Variants in COG8 observed in about 807,000 individuals in gnomAD.
The protein encoded by COG8 is component of oligomeric golgi complex 8.
COG8 carries 45 observed loss-of-function variants against 46.5 expected under a neutral mutation model. The ratio of observed to expected loss-of-function variants is 0.97; its 90% CI spans 0.76 to 1.24. COG8 has a LOEUF of 1.24. Ranked by LOEUF, COG8 falls within the 50% of genes most tolerant of loss-of-function variation. The pLI is 0.00. For missense variants in COG8, 793 were observed against 820.8 expected (o/e 0.97, Z 0.41); for synonymous variants, 407 against 347.8 (o/e 1.17, Z -1.90).
rs1428159234 is a variant in COG8, at chr16:69,332,749, A to G, written c.1547T>C (p.Val516Ala). The G allele has an allele frequency of 6.2e-7, 1 of 1,614,092 alleles. No individual in the cohort carries two copies. The highest frequency in any genetic ancestry group is 1.3e-5 in the African/African-American group (1 of 74,946). The change falls in exon 4 of 6, where the codon GTC (valine) becomes GCC (alanine). Residue 516 changes from valine (V) to alanine (A), a missense_variant. By Grantham distance (64) the Val-to-Ala change is moderately conservative. Coordinates refer to ENST00000306875, the MANE Select transcript of COG8 (RefSeq NM_032382.5). The part of the protein sequence containing the change: ...LVPYLNRCLQ[V>A]LFPPAQIAQT... ...TGCTATCTGAGCTGGTGGAAAAAGG[A>G]CTTGGAGACAGCGATTTAAATACGG... is the stretch of plus-strand genomic sequence containing the variant.
At chr16:69,331,477 AG>A (rs2011835778) in intron 4 of COG8, among the ~76,000 whole-genome samples, 1 of 143,234 alleles carries the variant, frequency 7.0e-6, no homozygotes, top group African/African-American at 2.6e-5. Flanking sequence ...AAAAAAAAAA[AG>A]GAAATTTAAG....
At chr16:69,330,673 C>G (rs1400009780) in intron 5 of COG8, 140 bp downstream of exon 5, 22 of 1,395,250 alleles carry the variant, frequency 1.6e-5, no homozygotes, top group Non-Finnish European at 2.0e-5. Context: ...CGACTGGATC[C>G]CCGCCTTCCT....
chr16:69,329,283 G>A (rs1310611238), intron 5 of COG8, 104 bp from the exon 6 acceptor site: 8 of 1,254,178 alleles, frequency 6.4e-6, no homozygotes, highest in African/African-American at 3.1e-5. Flanking sequence ...TTGACAAGAG[G>A]CAACAGCAGA....
intron 4 of COG8, among the ~76,000 whole-genome samples, chr16:69,332,348 C>CA (rs528941857): frequency 0.024 from 3,164 of 130,620 alleles, 37 homozygotes; most frequent in Non-Finnish European, 0.027. Context: ...GACTCCGCCT[C>CA]AAAAAAAAAA....
In COG8 at chr16:69,339,534, T is replaced by C. The variant is rs200765847; in HGVS notation, c.19A>G (p.Ile7Val). 4.5e-5 allele frequency: 72 copies of C among 1,608,698 alleles called. 1 individual carries two copies. In the Admixed American group the frequency reaches 1.0e-3, roughly 23 times the overall value. The change falls in exon 1 of 6, where the codon ATC becomes GTC. Residue 7 changes from isoleucine to valine, a missense_variant. By Grantham distance (29) the Ile-to-Val change is conservative. Coordinates refer to ENST00000306875, the MANE Select transcript of COG8 (RefSeq NM_032382.5). MATAAT[I>V]PSVATATAAA... ...GCTGTGGCCGTGGCTACCGATGGGA[T>C]AGTCGCCGCGGTCGCCATCTTCCCA...
In COG8 at chr16:69,339,414, C is replaced by T. The variant is rs1321204085; in HGVS notation, c.139G>A (p.Gly47Ser). Reference sequence around the variant, plus strand: ...CCGCTCAACTCCCGGAGGTAGCGGCCCACATCGGGCCGCTCGCGCCACTGG... The same window carrying T: ...CCGCTCAACTCCCGGAGGTAGCGGCTCACATCGGGCCGCTCGCGCCACTGG... Reference protein sequence around the residue: ...EAQWRERPDVGRYLRELSGSG... With the variant: ...EAQWRERPDVSRYLRELSGSG... Residue 47 changes from glycine to serine, a missense_variant, in exon 1 of 6, where the codon GGC becomes AGC. Transcript: ENST00000306875. 2 of 1,582,348 alleles carry T rather than the reference C, an allele frequency of 1.3e-6. No homozygotes were observed. The highest frequency in any genetic ancestry group is 3.5e-5 in the Admixed American group (2 of 56,450).
intron 1 of COG8, among the ~76,000 whole-genome samples, chr16:69,337,707 T>C (rs1194000252): frequency 1.3e-5 from 2 of 151,244 alleles, no homozygotes; most frequent in Non-Finnish European, 2.9e-5. Context: ...CTAGGGATAA[T>C]GGAGACAGAA....
At position 69,326,769 on chromosome 16, in the gene COG8, G is replaced by GGGATTCTGTTATAAATCTTCTGCCTAC. The variant is rs1201889124; in HGVS notation, c.*2436_*2437insGTAGGCAGAAGATTTATAACAGAATCC. On this transcript the variant is annotated 3_prime_UTR_variant, in exon 6 of 6. Coordinates refer to ENST00000306875, the MANE Select transcript of COG8 (RefSeq NM_032382.5). The stretch of plus-strand genomic sequence containing the variant: ...GCTCTGAAATTCACTTCTCTGCCTG[G>GGGATTCTGTTATAAATCTTCTGCCTAC]GGATTCTGTTATAAACCTTCTGCCT... 1 of 152,176 alleles carries GGGATTCTGTTATAAATCTTCTGCCTAC rather than the reference G, an allele frequency of 6.6e-6. No homozygotes were observed. Among genetic ancestry groups the GGGATTCTGTTATAAATCTTCTGCCTAC allele is most frequent in the Non-Finnish European group, 1.5e-5 (1 of 68,030 alleles). 9.4% of individuals were successfully genotyped at this position (152,176 alleles called of 1,614,324 possible).
chr16:69,333,257 C>T (rs753422847), intron 3 of COG8, among the ~76,000 whole-genome samples: 4 of 151,256 alleles, frequency 2.6e-5, no homozygotes, highest in Non-Finnish European at 5.9e-5. Flanking sequence ...GCTTCAAACT[C>T]CTGGGCTCAA....
At chr16:69,330,144 G>A (rs774492744) in intron 5 of COG8, 1 of 1,557,070 alleles carries the variant, frequency 6.4e-7, no homozygotes, top group South Asian at 1.2e-5. Flanking sequence ...TCCATTTGGC[G>A]GAGCGCGCGC....
chr16:69,330,204 G>A (rs1419532128), intron 5 of COG8: 1 of 1,455,852 alleles, frequency 6.9e-7, no homozygotes, highest in East Asian at 2.9e-5. Flanking sequence ...TCCAGCGCCA[G>A]CACCTGCCGC....
rs1681447772 is a variant in COG8 at position 69,326,473 on chromosome 16, G to C, written c.*2733C>G. 1 of 152,218 alleles carries C rather than the reference G, an allele frequency of 6.6e-6. No individual in the cohort carries two copies. The highest frequency in any genetic ancestry group is 2.1e-4 in the South Asian group (1 of 4,832). The allele number at this position is 152,218 out of a possible 1,614,324, so 9.4% of individuals were successfully genotyped here. On this transcript the variant is annotated 3_prime_UTR_variant, in exon 6 of 6. Coordinates refer to ENST00000306875, the MANE Select transcript of COG8 (RefSeq NM_032382.5). ...TTTTTACTTCTAGTTACATTTACTT[G>C]AATCAGAACGTTGTTTCCTCATTCC... is the stretch of plus-strand genomic sequence containing the variant.
chr16:69,337,965 C>G (rs529298044), intron 1 of COG8, among the ~76,000 whole-genome samples: 16 of 152,172 alleles, frequency 1.1e-4, no homozygotes, highest in African/African-American at 3.6e-4. Flanking sequence ...ATCTCTTGAC[C>G]TCGTGATCCG....
chr16:69,333,992 G>A (rs2012045489), intron 3 of COG8, among the ~76,000 whole-genome samples: 1 of 152,198 alleles, frequency 6.6e-6, no homozygotes, highest in Admixed American at 6.5e-5. Flanking sequence ...CTGGCCTTGA[G>A]GAAGCAAACA....
chr16:69,329,205 G>A (rs1055109581), intron 5 of COG8, 26 bp from the exon 6 acceptor site: 9 of 1,561,554 alleles, frequency 5.8e-6, no homozygotes, highest in Middle Eastern at 1.9e-4. Flanking sequence ...CAGCCCTGGT[G>A]AGTGGGAACA....
In COG8 at chr16:69,339,285, A is replaced by C. The variant is rs1349377176; in HGVS notation, c.268T>G (p.Phe90Val). 6.2e-7 allele frequency: 1 copy of C among 1,612,302 alleles called. No individual in the cohort carries two copies. The highest frequency in any genetic ancestry group is 8.5e-7 in the Non-Finnish European group (1 of 1,179,656). The change falls in exon 1 of 6, where the codon TTC becomes GTC. Residue 90 changes from phenylalanine to valine, a missense_variant. Phe to Val is a conservative substitution (Grantham distance 50). Transcript: ENST00000306875. ...TCGGTGCACTCGGCGCCGCGGATGAAGGTCTTGTAGTTAGCGAAGGCCAAG... is the reference window on the plus strand; with the variant it reads ...TCGGTGCACTCGGCGCCGCGGATGACGGTCTTGTAGTTAGCGAAGGCCAAG... ...RDLAFANYKT[F>V]IRGAECTERI...
rs944684906 is a variant in COG8 at position 69,330,823 on chromosome 16, A to C, written c.*16T>G. 72 of 1,531,550 alleles carry C rather than the reference A, an allele frequency of 4.7e-5. No homozygotes were observed. The highest frequency in any genetic ancestry group is 2.2e-4 in the Middle Eastern group (1 of 4,514). The allele number at this position is 1,531,550 out of a possible 1,614,324, so 94.9% of individuals were successfully genotyped here. A position where few individuals can be genotyped will look rare whatever the true frequency, so the allele number is the denominator to read the frequency against. ...GGGAACCTCACGCACCGCGTTCTGGAGGCAGGGGACGCCGGCTAGGGCCCC... is the reference window on the plus strand; with the variant it reads ...GGGAACCTCACGCACCGCGTTCTGGCGGCAGGGGACGCCGGCTAGGGCCCC... On this transcript the variant is annotated 3_prime_UTR_variant, in exon 5 of 6. Transcript: ENST00000306875.
intron 3 of COG8, among the ~76,000 whole-genome samples, chr16:69,333,653 C>G (rs1183255255): frequency 6.6e-6 from 1 of 152,204 alleles, no homozygotes; most frequent in Admixed American, 6.5e-5. Context: ...CTAGCTGACA[C>G]TACAGATATG....
rs1486499147 is a variant in COG8 at position 69,329,987 on chromosome 16, C to T, written c.*27-808G>A. 5.3e-6 allele frequency: 8 copies of T among 1,520,238 alleles called. No homozygotes were observed. In the Admixed American group the frequency reaches 1.3e-4, roughly 24 times the overall value. 94.2% of individuals were successfully genotyped at this position (1,520,238 alleles called of 1,614,324 possible). On this transcript the variant is annotated intron_variant, in intron 5 of 5. Transcript: ENST00000306875. Reference sequence around the variant, plus strand: ...GCTGCTCCAGCAGCCCCGGTCCCCGCCGCCCGCACCTGAGATCTGCACCGC... The same window carrying T: ...GCTGCTCCAGCAGCCCCGGTCCCCGTCGCCCGCACCTGAGATCTGCACCGC...
Sources: allele counts gnomAD v4.1 joint callset (sites outside exome capture counted in the v4.1 genomes callset), GRCh38; gene constraint gnomAD v4.1.1; transcripts MANE v1.5; gene names NCBI Gene and HGNC (gene_info 2026-07-23, HGNC 2026-07-21).